The following CEP15 variants were observed in gnomAD, a reference collection of about 807,000 sequenced individuals.
CEP15 encodes centrosomal protein 15.
At chr3:62,321,806 G>A in the CEP15 span, 4 of 670,636 alleles carry the variant, frequency 6.0e-6, no homozygotes, top group African/African-American at 1.9e-5. This position sits in a 1 kb window ranked among gnomAD's most constrained non-coding sequence, Gnocchi z 4.1. Flanking sequence ...CATAGTAATT[G>A]ACTTTCAGAA....
chr3:62,319,208 C>G, the CEP15 span: 2 of 152,608 alleles, frequency 1.3e-5, no homozygotes, highest in African/African-American at 4.8e-5. Context: ...GTTGGGGCGG[C>G]CGGAGGGCAG....
chr3:62,320,543 A>T, the CEP15 span: 2 of 1,584,676 alleles, frequency 1.3e-6, no homozygotes. Flanking sequence ...TTTTAAAGGG[A>T]TGATTCAGAT....
chr3:62,328,943 G>C, the CEP15 span, among the ~76,000 whole-genome samples: 3 of 146,910 alleles, frequency 2.0e-5, no homozygotes, highest in East Asian at 5.9e-4. Flanking sequence ...TTCACACTTC[G>C]TCCTCTATGT....
chr3:62,326,913 A>G, the CEP15 span, among the ~76,000 whole-genome samples: 4 of 152,222 alleles, frequency 2.6e-5, no homozygotes, highest in African/African-American at 9.7e-5. Context: ...AAATCACAAT[A>G]CTATTATCAA....
At chr3:62,333,075 AT>A in the CEP15 span, among the ~76,000 whole-genome samples, 1 of 152,072 alleles carries the variant, frequency 6.6e-6, no homozygotes, top group Admixed American at 6.6e-5. This position sits in a 1 kb window ranked among gnomAD's most constrained non-coding sequence, Gnocchi z 4.0. Flanking sequence ...AAGTAGCCAG[AT>A]TTTTTTCTAA....
chr3:62,331,212 T>C, the CEP15 span: 1 of 820,944 alleles, frequency 1.2e-6, no homozygotes, highest in Non-Finnish European at 2.0e-6. Context: ...TCCATTCAGA[T>C]TATATCCAGA....
At chr3:62,336,066 A>T in the CEP15 span, 8 of 152,168 alleles carry the variant, frequency 5.3e-5, no homozygotes, top group African/African-American at 1.9e-4. The surrounding 1 kb of genome is among the most constrained non-coding windows in gnomAD (Gnocchi z 4.4). Context: ...AGGTGTTTTA[A>T]ATTGTCAGCT....
At chr3:62,323,803 A>AT in the CEP15 span, 1 of 152,116 alleles carries the variant, frequency 6.6e-6, no homozygotes, top group Non-Finnish European at 1.5e-5. Flanking sequence ...TGTAAAAAAA[A>AT]TTTTTTAAAG....
At chr3:62,333,163 C>T in the CEP15 span, 155 of 1,220,460 alleles carry the variant, frequency 1.3e-4, 5 homozygotes, top group South Asian at 1.9e-3. The surrounding 1 kb of genome is among the most constrained non-coding windows in gnomAD (Gnocchi z 4.0). Context: ...TACACGCATA[C>T]ACACTCTTAA....
At chr3:62,329,426 A>G in the CEP15 span, among the ~76,000 whole-genome samples, 8 of 152,316 alleles carry the variant, frequency 5.3e-5, no homozygotes, top group South Asian at 1.2e-3. Flanking sequence ...TAAGGTAAAA[A>G]TAAGAGGACA....
chr3:62,333,331 T>G, the CEP15 span: 6 of 1,611,936 alleles, frequency 3.7e-6, no homozygotes, highest in Non-Finnish European at 5.1e-6. This position sits in a 1 kb window ranked among gnomAD's most constrained non-coding sequence, Gnocchi z 4.0. Context: ...CCATATCCTT[T>G]TGCTGTTGAA....
At chr3:62,326,496 G>A in the CEP15 span, among the ~76,000 whole-genome samples, 4 of 152,258 alleles carry the variant, frequency 2.6e-5, no homozygotes, top group African/African-American at 4.8e-5. Context: ...TATAGGGATG[G>A]GAAGAGAAAG....
the CEP15 span, among the ~76,000 whole-genome samples, chr3:62,332,109 T>C: frequency 6.6e-6 from 1 of 152,048 alleles, no homozygotes; most frequent in Admixed American, 6.6e-5. Context: ...TACAAAAAAC[T>C]CTGGTACAAA....
the CEP15 span, chr3:62,331,451 G>A: frequency 8.7e-6 from 12 of 1,379,048 alleles, no homozygotes; most frequent in Non-Finnish European, 1.0e-5. Flanking sequence ...CTATCTATCA[G>A]TAGTGCACTA....
chr3:62,333,286 T>C, the CEP15 span: 3 of 1,610,868 alleles, frequency 1.9e-6, no homozygotes, highest in Admixed American at 5.0e-5. The surrounding 1 kb of genome is among the most constrained non-coding windows in gnomAD (Gnocchi z 4.0). Flanking sequence ...GAAGAATATA[T>C]TCCCAAATGG....
chr3:62,327,575 C>T, the CEP15 span, among the ~76,000 whole-genome samples: 3 of 152,104 alleles, frequency 2.0e-5, no homozygotes, highest in Non-Finnish European at 2.9e-5. Context: ...CATTTTGGAA[C>T]GTTGGCAGTC....
At chr3:62,319,046 G>A in the CEP15 span, 4 of 152,322 alleles carry the variant, frequency 2.6e-5, no homozygotes, top group Middle Eastern at 3.2e-3. Flanking sequence ...AGGGCTCAGA[G>A]GCGGGCTCGG....
the CEP15 span, chr3:62,322,156 A>T: frequency 1.7e-6 from 2 of 1,192,944 alleles, no homozygotes; most frequent in Non-Finnish European, 2.4e-6. This position sits in a 1 kb window ranked among gnomAD's most constrained non-coding sequence, Gnocchi z 5.5. Context: ...GTTCTCAGTA[A>T]TAAGTAGAAT....
At chr3:62,322,636 G>A in the CEP15 span, 1 of 152,140 alleles carries the variant, frequency 6.6e-6, no homozygotes, top group African/African-American at 2.4e-5. This position sits in a 1 kb window ranked among gnomAD's most constrained non-coding sequence, Gnocchi z 5.5. Context: ...AACATTTTTG[G>A]CTGCTTGTTA....
Sources: gnomAD v4.1 joint callset for allele counts (sites outside exome capture counted in the v4.1 genomes callset) on GRCh38, gnomAD v4.1.1 for gene constraint, Gnocchi (gnomAD v3.1) non-coding constraint, MANE v1.5 for transcripts, NCBI Gene and HGNC (gene_info 2026-07-23, HGNC 2026-07-21) for gene names.